ETV6: variants seen among roughly 807,000 people sequenced by gnomAD.
ETV6 encodes transcription factor ETV6.
ETV6 carries 16 observed loss-of-function variants against 51.1 expected under a neutral mutation model. That is an observed-to-expected ratio of 0.31 (90% CI 0.21 to 0.48). The LOEUF (loss-of-function observed/expected upper bound fraction) is 0.48. ETV6 is among the 20% of genes least tolerant of loss of function. The pLI is 0.99. For synonymous variants in ETV6, 240 were observed against 224.1 expected (o/e 1.07, Z -0.64); for missense variants, 458 against 594.8 (o/e 0.77, Z 2.39).
At chr12:11,783,929 T>C (rs1000134494) in intron 2 of ETV6, among the ~76,000 whole-genome samples, 2 of 152,118 alleles carry the variant, frequency 1.3e-5, no homozygotes, top group African/African-American at 4.8e-5. Flanking sequence ...GAGTGCCTGA[T>C]TGAGCCAAGC....
Position 11,790,972 on chromosome 12 carries a change from C to T in ETV6, c.163+38393C>T, listed in dbSNP as rs535518681. 4.3e-4 allele frequency among the ~76,000 whole-genome samples: 66 copies of T among 152,220 alleles called. 1 individual carries two copies. Among genetic ancestry groups the T allele is most frequent in the Middle Eastern group, 3.4e-3 (1 of 294 alleles). On this transcript the variant is annotated intron_variant, in intron 2 of 7. Coordinates refer to ENST00000396373, the MANE Select transcript of ETV6 (RefSeq NM_001987.5). Reference sequence around the variant, plus strand: ...CTGGGATTGCAGCTGTGAGCCATTGCGCCCGGCCAGAGCTTAAGCTTCTAA... The same window carrying T: ...CTGGGATTGCAGCTGTGAGCCATTGTGCCCGGCCAGAGCTTAAGCTTCTAA...
At chr12:11,653,784 G>A (rs777281501) in intron 1 of ETV6, among the ~76,000 whole-genome samples, 4 of 152,034 alleles carry the variant, frequency 2.6e-5, no homozygotes, top group Non-Finnish European at 5.9e-5. Flanking sequence ...GTCCTCAAAT[G>A]CTTATTAATA....
At chr12:11,847,196 T>C (rs1250233505) in intron 3 of ETV6, among the ~76,000 whole-genome samples, 2 of 152,020 alleles carry the variant, frequency 1.3e-5, no homozygotes, top group Non-Finnish European at 2.9e-5. Context: ...TCATGTGAGA[T>C]GAGAAGGAAG....
At chr12:11,719,361 A>G (rs1436847773) in intron 1 of ETV6, among the ~76,000 whole-genome samples, 1 of 152,238 alleles carries the variant, frequency 6.6e-6, no homozygotes, top group East Asian at 1.9e-4. Flanking sequence ...CGACAAACAT[A>G]GACCCACGAA....
intron 1 of ETV6, among the ~76,000 whole-genome samples, chr12:11,669,373 T>TCCCTCCCTCCCTCCCTCCCTC (rs1864262418): frequency 7.7e-6 from 1 of 129,344 alleles, no homozygotes; most frequent in Non-Finnish European, 1.6e-5. Context: ...CTTCCTCCCT[T>TCCCTCCCTCCCTCCCTCCCTC]CCTCCCTCCC....
intron 4 of ETV6, among the ~76,000 whole-genome samples, chr12:11,855,187 T>G (rs1946614285): frequency 6.6e-6 from 1 of 150,530 alleles, no homozygotes; most frequent in South Asian, 2.1e-4. Flanking sequence ...GCGCCTGTAG[T>G]CCCAGCTACT....
At chr12:11,787,981 T>TG (rs1945514299) in intron 2 of ETV6, among the ~76,000 whole-genome samples, 1 of 152,182 alleles carries the variant, frequency 6.6e-6, no homozygotes, top group South Asian at 2.1e-4. Flanking sequence ...CTGGTATTAC[T>TG]GGAAAAAAGT....
chr12:11,719,647 C>A (rs185995145), intron 1 of ETV6, among the ~76,000 whole-genome samples: 2 of 152,316 alleles, frequency 1.3e-5, no homozygotes, highest in East Asian at 3.9e-4. Flanking sequence ...CAGGGAGGAA[C>A]TTGATGGGCT....
At chr12:11,654,750 G>T (rs1863969156) in intron 1 of ETV6, among the ~76,000 whole-genome samples, 1 of 152,142 alleles carries the variant, frequency 6.6e-6, no homozygotes, top group African/African-American at 2.4e-5. Context: ...AGTGCACAAA[G>T]GCCTGCAAGT....
chr12:11,700,047 A>G (rs1864949503), intron 1 of ETV6, among the ~76,000 whole-genome samples: 1 of 152,160 alleles, frequency 6.6e-6, no homozygotes, highest in African/African-American at 2.4e-5. Context: ...TCTCCCTAGG[A>G]TGCCCTGGGC....
At chr12:11,836,691 C>T (rs1419049270) in intron 2 of ETV6, among the ~76,000 whole-genome samples, 1 of 151,980 alleles carries the variant, frequency 6.6e-6, no homozygotes, top group African/African-American at 2.4e-5. Flanking sequence ...GCATCCCCCA[C>T]CCCCTTCTCA....
chr12:11,858,576 A>T (rs1021095921), intron 4 of ETV6, among the ~76,000 whole-genome samples: 4 of 152,164 alleles, frequency 2.6e-5, no homozygotes, highest in Non-Finnish European at 4.4e-5. Flanking sequence ...AGGGAGAAGG[A>T]GCAAGATCCG....
At chr12:11,739,490 A>G (rs1173674911) in intron 1 of ETV6, among the ~76,000 whole-genome samples, 1 of 152,216 alleles carries the variant, frequency 6.6e-6, no homozygotes, top group African/African-American at 2.4e-5. Flanking sequence ...TCAGTTGTTA[A>G]AAACCTATTT....
chr12:11,697,229 G>C (rs1289164775), intron 1 of ETV6, among the ~76,000 whole-genome samples: 3 of 152,126 alleles, frequency 2.0e-5, no homozygotes, highest in Non-Finnish European at 2.9e-5. Context: ...AACTTGATGG[G>C]TCCTGAATGT....
At chr12:11,887,372 C>G (rs1431832962) in intron 7 of ETV6, among the ~76,000 whole-genome samples, 1 of 152,160 alleles carries the variant, frequency 6.6e-6, no homozygotes, top group East Asian at 1.9e-4. Flanking sequence ...CCAAGAGTTT[C>G]CTGTAGGCTG....
chr12:11,662,807 C>A (rs976302215), intron 1 of ETV6, among the ~76,000 whole-genome samples: 2 of 152,204 alleles, frequency 1.3e-5, no homozygotes, highest in Non-Finnish European at 2.9e-5. Flanking sequence ...TTCTTCGCAG[C>A]CCTGGTCCCC....
intron 6 of ETV6, among the ~76,000 whole-genome samples, chr12:11,885,389 C>T (rs1367407875): frequency 6.6e-6 from 1 of 152,190 alleles, no homozygotes; most frequent in Non-Finnish European, 1.5e-5. Context: ...GAGAAAAATC[C>T]CTCTGCTACT....
chr12:11,786,923 A>T (rs1456889098), intron 2 of ETV6, among the ~76,000 whole-genome samples: 1 of 152,118 alleles, frequency 6.6e-6, no homozygotes, highest in Non-Finnish European at 1.5e-5. Flanking sequence ...CTTCTCTGAT[A>T]AGTGCCTGCA....
At chr12:11,685,167 G>A (rs1288548632) in intron 1 of ETV6, among the ~76,000 whole-genome samples, 2 of 152,112 alleles carry the variant, frequency 1.3e-5, no homozygotes, top group Non-Finnish European at 1.5e-5. Flanking sequence ...GTTAATGCTG[G>A]CTTTAGTTAT....
Sources: gnomAD v4.1 joint callset for allele counts (sites outside exome capture counted in the v4.1 genomes callset) on GRCh38, gnomAD v4.1.1 for gene constraint, MANE v1.5 for transcripts, NCBI Gene and HGNC (gene_info 2026-07-23, HGNC 2026-07-21) for gene names.